Variants in CADM2 observed in about 807,000 individuals in gnomAD.
CADM2 encodes cell adhesion molecule 2.
A neutral mutation model predicts 49.8 loss-of-function variants in CADM2; 12 were observed. That is an observed-to-expected ratio of 0.24 (90% CI 0.15 to 0.39). CADM2 has a LOEUF of 0.39. CADM2 is among the 10% of genes least tolerant of loss of function. The pLI is 1.00. For missense variants in CADM2, 378 were observed against 492.3 expected (o/e 0.77, Z 2.20); for synonymous variants, 214 against 175.4 (o/e 1.22, Z -1.74).
At chr3:85,369,355 C>T (rs887110812) in intron 1 of CADM2, among the ~76,000 whole-genome samples, 5 of 152,132 alleles carry the variant, frequency 3.3e-5, no homozygotes, top group Non-Finnish European at 7.4e-5. Context: ...TAATGAGGCC[C>T]GGTGCAGTGG....
chr3:84,989,410 C>T (rs2032762193), intron 1 of CADM2, among the ~76,000 whole-genome samples: 1 of 151,982 alleles, frequency 6.6e-6, no homozygotes, highest in Non-Finnish European at 1.5e-5. Flanking sequence ...CAATAGCAAT[C>T]AAAATTAATA....
intron 3 of CADM2, among the ~76,000 whole-genome samples, chr3:85,869,613 TGTTAAA>T (rs749866780): frequency 7.5e-4 from 114 of 152,218 alleles, no homozygotes; most frequent in Non-Finnish European, 1.4e-3. Context: ...GATTCATTGC[TGTTAAA>T]GTTCTTGTTT....
At chr3:85,610,493 TA>T (rs2063655128) in intron 1 of CADM2, among the ~76,000 whole-genome samples, 1 of 151,864 alleles carries the variant, frequency 6.6e-6, no homozygotes. Flanking sequence ...TCAAAATGAA[TA>T]AACAATAATA....
chr3:85,886,511 T>C (rs546154121), intron 5 of CADM2, among the ~76,000 whole-genome samples, 184 bp downstream of exon 5: 1 of 152,278 alleles, frequency 6.6e-6, no homozygotes, highest in East Asian at 1.9e-4. Flanking sequence ...ATAAGTATGA[T>C]CCCTGTGGGC....
In CADM2 at chr3:85,737,192, A is replaced by T. The variant is rs1430265231; in HGVS notation, c.88+10644A>T. Among the ~76,000 whole-genome samples the T allele has an allele frequency of 2.0e-5, 3 of 152,194 alleles. No homozygotes were observed. The East Asian group carries it at 5.8e-4, about 29-fold the overall frequency. On this transcript the variant is annotated intron_variant, in intron 2 of 9. Transcript: ENST00000383699. ...GTAAGACAAGTGAAAGTGAAGGGAA[A>T]ACCATAAATTTTATTACTGGAATAA...
At chr3:85,814,688 A>G (rs1388382246) in intron 3 of CADM2, among the ~76,000 whole-genome samples, 2 of 152,112 alleles carry the variant, frequency 1.3e-5, no homozygotes, top group Non-Finnish European at 2.9e-5. Flanking sequence ...TATAGGAAAT[A>G]TCACCACTGA....
Position 86,072,983 on chromosome 3 carries a change from C to T in CADM2, c.*6200C>T, listed in dbSNP as rs527476053. 1.3e-5 allele frequency: 2 copies of T among 152,086 alleles called. No individual in the cohort carries two copies. Among genetic ancestry groups the T allele is most frequent in the Admixed American group, 6.6e-5 (1 of 15,258 alleles). The allele number at this position is 152,086 out of a possible 1,614,324, so 9.4% of individuals were successfully genotyped here. On this transcript the variant is annotated 3_prime_UTR_variant, in exon 10 of 10. Coordinates refer to ENST00000383699, the MANE Select transcript of CADM2 (RefSeq NM_001167675.2). ...ACTGTACTTATTGTAGATTCAATGA[C>T]GCAGTTAAGTCATCACCCAAGGATT... is the stretch of plus-strand genomic sequence containing the variant.
intron 1 of CADM2, among the ~76,000 whole-genome samples, chr3:85,672,535 T>C (rs1045963788): frequency 6.6e-6 from 1 of 152,160 alleles, no homozygotes; most frequent in African/African-American, 2.4e-5. Context: ...CCATTTGTTC[T>C]CTATTTATTT....
intron 1 of CADM2, among the ~76,000 whole-genome samples, chr3:85,576,102 C>T (rs2062625955): frequency 6.6e-6 from 1 of 152,104 alleles, no homozygotes; most frequent in Non-Finnish European, 1.5e-5. Flanking sequence ...CATGTGACAC[C>T]TCTTAGTATA....
intron 1 of CADM2, among the ~76,000 whole-genome samples, chr3:85,419,232 G>A (rs958646497): frequency 1.6e-4 from 24 of 152,238 alleles, no homozygotes; most frequent in Non-Finnish European, 2.5e-4. Flanking sequence ...GAGATGGGTG[G>A]ATCAAGAGGT....
intron 8 of CADM2, among the ~76,000 whole-genome samples, chr3:86,032,245 T>C (rs1386356559): frequency 6.6e-6 from 1 of 151,800 alleles, no homozygotes; most frequent in Non-Finnish European, 1.5e-5. Context: ...CAATGCCTTG[T>C]TTTTCTGAAT....
chr3:85,646,835 A>G (rs2107569276), intron 1 of CADM2, among the ~76,000 whole-genome samples: 1 of 152,046 alleles, frequency 6.6e-6, no homozygotes, highest in South Asian at 2.1e-4. Context: ...TTGTTGATCA[A>G]TCTAATCTAT....
At chr3:85,965,858 G>A (rs559692900) in intron 8 of CADM2, among the ~76,000 whole-genome samples, 2 of 151,680 alleles carry the variant, frequency 1.3e-5, no homozygotes, top group South Asian at 2.1e-4. Context: ...TTTGTGATTG[G>A]AAGCAATGCA....
At chr3:85,679,739 A>C (rs917117926) in intron 1 of CADM2, among the ~76,000 whole-genome samples, 2 of 152,194 alleles carry the variant, frequency 1.3e-5, no homozygotes, top group Non-Finnish European at 2.9e-5. Flanking sequence ...CCGGGGCTGC[A>C]CTGAGCTTAT....
intron 1 of CADM2, among the ~76,000 whole-genome samples, chr3:85,187,235 A>G (rs2041086414): frequency 6.6e-6 from 1 of 152,170 alleles, no homozygotes; most frequent in African/African-American, 2.4e-5. Flanking sequence ...TTGGAAGCTG[A>G]GAGAAAATAT....
chr3:85,151,981 A>AT (rs371477900), intron 1 of CADM2, among the ~76,000 whole-genome samples: 5 of 152,220 alleles, frequency 3.3e-5, no homozygotes, highest in East Asian at 1.9e-4. Flanking sequence ...AAAAAAGGTT[A>AT]TTTTTTTATT....
At chr3:85,044,445 G>T (rs773925164) in intron 1 of CADM2, among the ~76,000 whole-genome samples, 3 of 152,130 alleles carry the variant, frequency 2.0e-5, no homozygotes, top group Non-Finnish European at 2.9e-5. Flanking sequence ...GAGAATTTTA[G>T]GTCAGTTGGA....
intron 3 of CADM2, among the ~76,000 whole-genome samples, chr3:85,842,187 C>A (rs1226679614): frequency 6.6e-6 from 1 of 152,040 alleles, no homozygotes; most frequent in African/African-American, 2.4e-5. Context: ...CAAATCAGCA[C>A]TAGAAGGAAA....
chr3:85,420,738 A>G (rs2036132936), intron 1 of CADM2, among the ~76,000 whole-genome samples: 1 of 152,230 alleles, frequency 6.6e-6, no homozygotes, highest in Non-Finnish European at 1.5e-5. Flanking sequence ...CAAACAAAAC[A>G]TAAAAGATAA....
Sources: allele counts gnomAD v4.1 joint callset (sites outside exome capture counted in the v4.1 genomes callset), GRCh38; gene constraint gnomAD v4.1.1; transcripts MANE v1.5; gene names NCBI Gene and HGNC (gene_info 2026-07-23, HGNC 2026-07-21).